Variants in TYW1 observed in about 807,000 individuals in gnomAD.
The protein encoded by TYW1 is tRNA-yW synthesizing protein 1 homolog.
Under a neutral mutation model 96.2 loss-of-function variants are expected in TYW1, and 46 were observed. That is an observed-to-expected ratio of 0.48 (90% CI 0.38 to 0.61). The LOEUF (loss-of-function observed/expected upper bound fraction) is 0.61. Ranked by LOEUF, TYW1 falls within the 20% of genes least tolerant of loss-of-function variation. The pLI is 0.00. For missense variants in TYW1, 684 were observed against 909.6 expected (o/e 0.75, Z 3.19); for synonymous variants, 274 against 323.0 (o/e 0.85, Z 1.63).
intron 13 of TYW1, among the ~76,000 whole-genome samples, chr7:67,151,744 G>A (rs1025810726): frequency 7.2e-5 from 11 of 152,104 alleles, no homozygotes; most frequent in African/African-American, 2.7e-4. Flanking sequence ...CCCAAATCTG[G>A]CGTGACTTGT....
chr7:67,086,421 TG>T (rs1796549985), intron 11 of TYW1, among the ~76,000 whole-genome samples: 1 of 152,044 alleles, frequency 6.6e-6, no homozygotes, highest in Admixed American at 6.6e-5. Context: ...ACAGAACCAG[TG>T]GGTGTATGTG....
rs1584501733 is a variant in TYW1, at chr7:67,049,852, A to ATGGACCTT, written c.985-95_985-88dup. The ATGGACCTT allele has an allele frequency of 6.0e-6, 9 of 1,491,702 alleles. No individual in the cohort carries two copies. In the East Asian group the frequency reaches 2.1e-4, roughly 35 times the overall value. The allele number at this position is 1,491,702 out of a possible 1,614,324, so 92.4% of individuals were successfully genotyped here. ...GTGAGCCACCGTGCCCGGCCTCATA[A>ATGGACCTT]TGGACCTTTTTATTGATGCTAGGTG... On this transcript the variant is annotated intron_variant, in intron 7 of 15. Coordinates refer to ENST00000359626, the MANE Select transcript of TYW1 (RefSeq NM_018264.4).
At chr7:67,082,708 G>A (rs1045659942) in intron 10 of TYW1, among the ~76,000 whole-genome samples, 8 of 152,116 alleles carry the variant, frequency 5.3e-5, no homozygotes, top group African/African-American at 1.2e-4. Context: ...CGTTGTGTCT[G>A]TCTTGGGGGT....
chr7:67,051,654 G>A (rs10242790), intron 8 of TYW1, among the ~76,000 whole-genome samples: 36,608 of 151,250 alleles, frequency 0.24, 4,692 homozygotes, highest in African/African-American at 0.32. Context: ...TCATGTAGTT[G>A]CCATGTCTTA....
intron 13 of TYW1, among the ~76,000 whole-genome samples, chr7:67,122,248 T>C (rs979086441): frequency 6.6e-6 from 1 of 152,192 alleles, no homozygotes; most frequent in African/African-American, 2.4e-5. Context: ...ACAATGACCA[T>C]TGGCCCTCTC....
chr7:66,997,236 C>T (rs908244420), intron 1 of TYW1, among the ~76,000 whole-genome samples: 20 of 152,066 alleles, frequency 1.3e-4, no homozygotes, highest in Non-Finnish European at 2.6e-4. Flanking sequence ...GACTTTTGCA[C>T]CTGTAAAGCC....
At chr7:67,135,469 A>AT (rs1798222024) in intron 13 of TYW1, among the ~76,000 whole-genome samples, 1 of 151,292 alleles carries the variant, frequency 6.6e-6, no homozygotes, top group African/African-American at 2.4e-5. Context: ...CACACTGGCT[A>AT]TTTTTTTGTA....
intron 5 of TYW1, among the ~76,000 whole-genome samples, chr7:67,015,523 T>C (rs1793985265): frequency 6.6e-6 from 1 of 152,050 alleles, no homozygotes; most frequent in Non-Finnish European, 1.5e-5. Flanking sequence ...GGCTAATCTT[T>C]CAATTTTTTT....
chr7:67,169,075 T>C (rs1442281421), intron 13 of TYW1, among the ~76,000 whole-genome samples: 2 of 152,226 alleles, frequency 1.3e-5, no homozygotes, highest in Non-Finnish European at 2.9e-5. Flanking sequence ...ATTTTTGGAA[T>C]ACTTGCCATC....
rs1177136278 is a variant in TYW1 at position 66,998,742 on chromosome 7, T to C, written c.136-75T>C. On this transcript the variant is annotated intron_variant, in intron 2 of 15. Transcript: ENST00000359626. ...GAAAAATAAAATGTGTCAGTATCTG[T>C]GCTAATTTTCATCCCTGCTGAAGTT... is the stretch of plus-strand genomic sequence containing the variant. 7.9e-6 allele frequency: 12 copies of C among 1,521,842 alleles called. No individual in the cohort carries two copies. The East Asian group carries it at 2.5e-4, about 32-fold the overall frequency. 94.3% of individuals were successfully genotyped at this position (1,521,842 alleles called of 1,614,324 possible).
At chr7:67,079,701 G>T (rs2687009) in intron 10 of TYW1, among the ~76,000 whole-genome samples, 1 of 151,988 alleles carries the variant, frequency 6.6e-6, no homozygotes, top group Admixed American at 6.6e-5. Context: ...TATTTGAAAT[G>T]ATTCTACATT....
Position 67,223,875 on chromosome 7 carries a change from A to G in TYW1, c.1978-14433A>G, listed in dbSNP as rs182749185. On this transcript the variant is annotated intron_variant, in intron 15 of 15. Transcript: ENST00000359626. ...TTCCCCTGAATGTTACAAGCCTTCA[A>G]TAGACTCCAGAGTTCCAAAATAGTT... Among the ~76,000 whole-genome samples, 275 of 151,454 alleles carry G rather than the reference A, an allele frequency of 1.8e-3. 8 individuals are homozygous for G. The East Asian group carries it at 0.045, about 25-fold the overall frequency.
intron 10 of TYW1, among the ~76,000 whole-genome samples, chr7:67,083,149 A>G (rs749097931): frequency 9.2e-5 from 14 of 152,212 alleles, no homozygotes; most frequent in Non-Finnish European, 1.5e-4. Context: ...CACAGTTAAC[A>G]TGGTTAAAGC....
chr7:67,217,539 C>A (rs1801237736), intron 15 of TYW1, among the ~76,000 whole-genome samples: 1 of 152,308 alleles, frequency 6.6e-6, no homozygotes, highest in East Asian at 1.9e-4. Flanking sequence ...TCTTGGCACC[C>A]TTGTCAAAGA....
intron 13 of TYW1, among the ~76,000 whole-genome samples, chr7:67,162,639 AT>A (rs1205298727): frequency 2.6e-5 from 4 of 152,104 alleles, no homozygotes; most frequent in Admixed American, 6.6e-5. Context: ...ATTCATTTGT[AT>A]TTGATGCAGG....
At chr7:67,032,016 C>T (rs945050105) in intron 7 of TYW1, among the ~76,000 whole-genome samples, 1 of 151,868 alleles carries the variant, frequency 6.6e-6, no homozygotes, top group African/African-American at 2.4e-5. Flanking sequence ...TTGCCACAAG[C>T]CTTTTAGACT....
intron 4 of TYW1, among the ~76,000 whole-genome samples, chr7:67,011,237 T>C (rs561945756): frequency 2.0e-5 from 3 of 152,206 alleles, no homozygotes; most frequent in South Asian, 4.1e-4. Flanking sequence ...GGGGTTTCAC[T>C]GTGTTGGCCA....
intron 11 of TYW1, among the ~76,000 whole-genome samples, chr7:67,087,192 T>C (rs969057279): frequency 6.6e-6 from 1 of 152,168 alleles, no homozygotes; most frequent in Admixed American, 6.5e-5. Flanking sequence ...AGGTAGACTT[T>C]GTTGATTTTA....
intron 14 of TYW1, among the ~76,000 whole-genome samples, chr7:67,185,466 T>C (rs955165917): frequency 4.6e-5 from 7 of 152,104 alleles, no homozygotes; most frequent in Admixed American, 2.0e-4. Flanking sequence ...CTTTTGGAAG[T>C]AGAACCAATA....
Sources: allele counts gnomAD v4.1 joint callset (sites outside exome capture counted in the v4.1 genomes callset), GRCh38; gene constraint gnomAD v4.1.1; transcripts MANE v1.5; gene names NCBI Gene and HGNC (gene_info 2026-07-23, HGNC 2026-07-21).